The following BRIP1 variants were observed in gnomAD, a reference collection of about 807,000 sequenced individuals.
BRIP1 encodes the protein Fanconi anemia group J protein.
In BRIP1, 88 loss-of-function variants were observed where a neutral mutation model predicts 119.7. The observed-to-expected ratio is 0.74, with a 90% CI of 0.62 to 0.88. The LOEUF (loss-of-function observed/expected upper bound fraction) is 0.88. BRIP1 is among the 40% of genes least tolerant of loss of function. BRIP1 has a pLI of 0.00. For synonymous variants in BRIP1, 443 were observed against 496.5 expected, an observed-to-expected ratio of 0.89 and a Z score of 1.43; for missense variants, 1,259 against 1,455.4, an observed-to-expected ratio of 0.87 and a Z score of 2.20.
Position 61,845,817 on chromosome 17 carries a change from C to T in BRIP1, c.627+1284G>A, listed in dbSNP as rs186993452. Among the ~76,000 whole-genome samples the T allele has an allele frequency of 2.0e-5, 3 of 152,190 alleles. No homozygotes were observed. The highest frequency in any genetic ancestry group is 6.5e-5 in the Admixed American group (1 of 15,294). ...TCAGACAGAATGTTAAAAACCTAAA[C>T]GGCTGAGATTAAATAAAATTAGTAA... On this transcript the variant is annotated intron_variant, in intron 6 of 19. Coordinates refer to ENST00000259008, the MANE Select transcript of BRIP1 (RefSeq NM_032043.3). The surrounding 1 kb of genome is among the most constrained non-coding windows in gnomAD (Gnocchi z 4.2).
At chr17:61,829,747 T>TTGGG (rs2078461450) in intron 6 of BRIP1, among the ~76,000 whole-genome samples, 1 of 152,100 alleles carries the variant, frequency 6.6e-6, no homozygotes, top group Non-Finnish European at 1.5e-5. Flanking sequence ...TTATTTAGAC[T>TTGGG]TCTAAATAAA....
At chr17:61,811,594 C>T (rs2078163150) in intron 6 of BRIP1, among the ~76,000 whole-genome samples, 1 of 151,964 alleles carries the variant, frequency 6.6e-6, no homozygotes, top group African/African-American at 2.4e-5. Flanking sequence ...ATTCTTTTCC[C>T]TTTGCATTAT....
intron 10 of BRIP1, among the ~76,000 whole-genome samples, chr17:61,792,485 A>C (rs1290209179): frequency 6.6e-6 from 1 of 152,262 alleles, no homozygotes; most frequent in South Asian, 2.1e-4. Flanking sequence ...TCATTCAGCT[A>C]TAAGAAGAAA....
chr17:61,772,048 CAAAT>C (rs1055253806), intron 14 of BRIP1, among the ~76,000 whole-genome samples: 1 of 151,162 alleles, frequency 6.6e-6, no homozygotes, highest in Non-Finnish European at 1.5e-5. Context: ...AGCAAGGTCA[CAAAT>C]AGATATTTGT....
In BRIP1 at chr17:61,825,331, T is replaced by C. The variant is rs1034451706; in HGVS notation, c.628-16574A>G. 6.6e-6 allele frequency among the ~76,000 whole-genome samples: 1 copy of C among 151,392 alleles called. No homozygotes were observed. The highest frequency in any genetic ancestry group is 1.5e-5 in the Non-Finnish European group (1 of 67,840). ...GAAAAGAAAAGAAAAGGAAGCCCTC[T>C]CTCACCACTCTTATTAAACATATTA... On this transcript the variant is annotated intron_variant, in intron 6 of 19. Transcript: ENST00000259008. This position sits in a 1 kb window ranked among gnomAD's most constrained non-coding sequence, Gnocchi z 4.1.
In BRIP1 at chr17:61,681,001, G is replaced by A. The variant is rs929494355; in HGVS notation, c.*2295C>T. ...GCCTCAAGAAACTTACAATCATGGCGGAAGGCAACTTTTCACAGGGCAGCA... is the reference window on the plus strand; with the variant it reads ...GCCTCAAGAAACTTACAATCATGGCAGAAGGCAACTTTTCACAGGGCAGCA... On this transcript the variant is annotated 3_prime_UTR_variant, in exon 20 of 20. Transcript: ENST00000259008. The surrounding 1 kb of genome is among the most constrained non-coding windows in gnomAD (Gnocchi z 5.1). 1.3e-5 allele frequency among the ~76,000 whole-genome samples: 2 copies of A among 152,104 alleles called. No individual in the cohort carries two copies. The highest frequency in any genetic ancestry group is 4.8e-5 in the African/African-American group (2 of 41,420).
chr17:61,787,808 C>G (rs901969114), intron 10 of BRIP1, among the ~76,000 whole-genome samples: 14 of 152,056 alleles, frequency 9.2e-5, no homozygotes, highest in African/African-American at 3.4e-4. Flanking sequence ...CCACGCCCGG[C>G]TAATTTTTTG....
Position 61,703,190 on chromosome 17 carries a change from A to G in BRIP1, c.2493-9678T>C, listed in dbSNP as rs924676667. Among the ~76,000 whole-genome samples, 11 of 151,954 alleles carry G rather than the reference A, an allele frequency of 7.2e-5. No homozygotes were observed. Among genetic ancestry groups the G allele is most frequent in the African/African-American group, 2.4e-4 (10 of 41,354 alleles). On this transcript the variant is annotated intron_variant, in intron 17 of 19. Coordinates refer to ENST00000259008, the MANE Select transcript of BRIP1 (RefSeq NM_032043.3). This position sits in a 1 kb window ranked among gnomAD's most constrained non-coding sequence, Gnocchi z 5.0. ...AACGATTCTCCTGCTTAGCCTCCCA[A>G]GTAGCTGGAATTACAGGTGTGCGCC...
In BRIP1 at chr17:61,700,025, G is replaced by T. The variant is rs1218952201; in HGVS notation, c.2493-6513C>A. On this transcript the variant is annotated intron_variant, in intron 17 of 19. Coordinates refer to ENST00000259008, the MANE Select transcript of BRIP1 (RefSeq NM_032043.3). The surrounding 1 kb of genome is among the most constrained non-coding windows in gnomAD (Gnocchi z 4.1). ...AGACTTTGTCCCATGCACATGTTTT[G>T]TTCTCTTTGCTGACTGTGCTTGGTG... 6.6e-6 allele frequency among the ~76,000 whole-genome samples: 1 copy of T among 152,052 alleles called. No homozygotes were observed. The highest frequency in any genetic ancestry group is 6.6e-5 in the Admixed American group (1 of 15,258).
chr17:61,782,754 A>G (rs2077643346), intron 11 of BRIP1, among the ~76,000 whole-genome samples: 1 of 152,228 alleles, frequency 6.6e-6, no homozygotes, highest in East Asian at 1.9e-4. Context: ...AAGCACATGA[A>G]AAGATTCTCA....
In BRIP1 at chr17:61,825,691, C is replaced by T. The variant is rs958830452; in HGVS notation, c.628-16934G>A. ...TAAAATAACTGGGAATACAACTAAC[C>T]AGGTAGGTGAAAGATCTCTACAAAG... On this transcript the variant is annotated intron_variant, in intron 6 of 19. Transcript: ENST00000259008. The surrounding 1 kb of genome is among the most constrained non-coding windows in gnomAD (Gnocchi z 4.1). Among the ~76,000 whole-genome samples the T allele has an allele frequency of 6.6e-6, 1 of 151,010 alleles. No individual in the cohort carries two copies. The highest frequency in any genetic ancestry group is 2.4e-5 in the African/African-American group (1 of 41,138).
chr17:61,713,586 A>G lies in BRIP1; in HGVS notation c.2492+2365T>C, dbSNP rs1344945650. 6.7e-6 allele frequency among the ~76,000 whole-genome samples: 1 copy of G among 148,600 alleles called. No individual in the cohort carries two copies. Among genetic ancestry groups the G allele is most frequent in the Non-Finnish European group, 1.5e-5 (1 of 67,560 alleles). ...GCCCAGGCTGGAGTGCAGTGGGGTG[A>G]TCTCGGCTCACTGCAGCCTCCACCT... On this transcript the variant is annotated intron_variant, in intron 17 of 19. Coordinates refer to ENST00000259008, the MANE Select transcript of BRIP1 (RefSeq NM_032043.3). The surrounding 1 kb of genome is among the most constrained non-coding windows in gnomAD (Gnocchi z 4.9).
rs906311379 is a variant in BRIP1 at position 61,842,851 on chromosome 17, C to T, written c.627+4250G>A. 5.1e-4 allele frequency among the ~76,000 whole-genome samples: 78 copies of T among 152,172 alleles called. 1 individual carries two copies. The highest frequency in any genetic ancestry group is 1.8e-3 in the African/African-American group (74 of 41,522). On this transcript the variant is annotated intron_variant, in intron 6 of 19. Coordinates refer to ENST00000259008, the MANE Select transcript of BRIP1 (RefSeq NM_032043.3). The surrounding 1 kb of genome is among the most constrained non-coding windows in gnomAD (Gnocchi z 5.1). ...CCGTGAGATAGGTACTATTACTAAC[C>T]CCATTTAACAAATAGCTAAACATAA...
At position 61,713,524 on chromosome 17, in the gene BRIP1, A is replaced by AT. The variant is rs567797791; in HGVS notation, c.2492+2426dup. Among the ~76,000 whole-genome samples the AT allele has an allele frequency of 3.8e-3, 545 of 142,138 alleles. 2 individuals are homozygous for AT. The highest frequency in any genetic ancestry group is 5.7e-3 in the East Asian group (28 of 4,898). The allele number at this position is 142,138 out of a possible 152,430, so 93.2% of individuals were successfully genotyped here. ...ATACTACATGAGTGTTTATGTCTTC[A>AT]TTTTTTTTTTTTTTTGAGATGGAGT... On this transcript the variant is annotated intron_variant, in intron 17 of 19. Transcript: ENST00000259008. The surrounding 1 kb of genome is among the most constrained non-coding windows in gnomAD (Gnocchi z 4.9).
rs1416022238 is a variant in BRIP1, at chr17:61,852,702, G to C, written c.380-3446C>G. On this transcript the variant is annotated intron_variant, in intron 4 of 19. Coordinates refer to ENST00000259008, the MANE Select transcript of BRIP1 (RefSeq NM_032043.3). The surrounding 1 kb of genome is among the most constrained non-coding windows in gnomAD (Gnocchi z 4.9). ...ACAAAAGAAAAATGGCAAACAACTT[G>C]ATTAGGCAATTCACTAAAGAGGGTA... Among the ~76,000 whole-genome samples the C allele has an allele frequency of 2.0e-5, 3 of 151,906 alleles. No homozygotes were observed. The highest frequency in any genetic ancestry group is 7.3e-5 in the African/African-American group (3 of 41,368).
chr17:61,686,529 T>G lies in BRIP1; in HGVS notation c.2576-364A>C, dbSNP rs894980727. 3.9e-5 allele frequency among the ~76,000 whole-genome samples: 6 copies of G among 152,136 alleles called. No individual in the cohort carries two copies. The highest frequency in any genetic ancestry group is 1.4e-4 in the African/African-American group (6 of 41,426). ...TTTTTTTTGTAGGGAAACTAGAAGTTGTAAACAATACAACTTTCCATTCTA... is the reference window on the plus strand; with the variant it reads ...TTTTTTTTGTAGGGAAACTAGAAGTGGTAAACAATACAACTTTCCATTCTA... On this transcript the variant is annotated intron_variant, in intron 18 of 19. Coordinates refer to ENST00000259008, the MANE Select transcript of BRIP1 (RefSeq NM_032043.3). The surrounding 1 kb of genome is among the most constrained non-coding windows in gnomAD (Gnocchi z 5.4).
rs1485167248 is a variant in BRIP1, at chr17:61,684,496, C to T, written c.2906-356G>A. On this transcript the variant is annotated intron_variant, in intron 19 of 19. Transcript: ENST00000259008. The surrounding 1 kb of genome is among the most constrained non-coding windows in gnomAD (Gnocchi z 4.5). ...GCCTTGAAAATCCACTAACCAGTGA[C>T]TGAGAAAAACTTACCTAGACTAATT... is the stretch of plus-strand genomic sequence containing the variant. 6.6e-6 allele frequency among the ~76,000 whole-genome samples: 1 copy of T among 152,098 alleles called. No homozygotes were observed. The highest frequency in any genetic ancestry group is 2.4e-5 in the African/African-American group (1 of 41,422).
Position 61,682,449 on chromosome 17 carries a change from GT to G in BRIP1, c.*846del, listed in dbSNP as rs2061282564. ...GCATTTTATATCTTTACGTCAATTT[GT>G]TTATGACATGTTTGGTTTTAGGTTT... On this transcript the variant is annotated 3_prime_UTR_variant, in exon 20 of 20. Transcript: ENST00000259008. The surrounding 1 kb of genome is among the most constrained non-coding windows in gnomAD (Gnocchi z 4.9). 9 of 203,858 alleles carry G rather than the reference GT, an allele frequency of 4.4e-5. No individual in the cohort carries two copies. In the South Asian group the frequency reaches 1.7e-3, roughly 39 times the overall value. The allele number at this position is 203,858 out of a possible 1,614,324, so 12.6% of individuals were successfully genotyped here. A position where few individuals can be genotyped will look rare whatever the true frequency, so the allele number is the denominator to read the frequency against.
chr17:61,833,191 C>T (rs2078518035), intron 6 of BRIP1, among the ~76,000 whole-genome samples: 1 of 151,998 alleles, frequency 6.6e-6, no homozygotes, highest in Non-Finnish European at 1.5e-5. Context: ...GGATGGGTTG[C>T]TATACATATT....
Sources: gnomAD v4.1 joint callset for allele counts (sites outside exome capture counted in the v4.1 genomes callset) on GRCh38, gnomAD v4.1.1 for gene constraint, Gnocchi (gnomAD v3.1) non-coding constraint, MANE v1.5 for transcripts, NCBI Gene and HGNC (gene_info 2026-07-23, HGNC 2026-07-21) for gene names.